FSTL4: variants seen among roughly 807,000 people sequenced by gnomAD.
FSTL4 encodes follistatin like 4.
Under a neutral mutation model 78.2 loss-of-function variants are expected in FSTL4, and 28 were observed. That is an observed-to-expected ratio of 0.36 (90% CI 0.27 to 0.49). The LOEUF (loss-of-function observed/expected upper bound fraction) is 0.49. Ranked by LOEUF, FSTL4 falls within the 20% of genes least tolerant of loss-of-function variation. The pLI is 0.98. For synonymous variants in FSTL4, 422 were observed against 440.5 expected (o/e 0.96, Z 0.53); for missense variants, 922 against 1,084.9 (o/e 0.85, Z 2.11).
chr5:133,215,087 A>G (rs1033742105), intron 13 of FSTL4, among the ~76,000 whole-genome samples: 3 of 152,172 alleles, frequency 2.0e-5, no homozygotes, highest in African/African-American at 7.2e-5. Context: ...ATTGTACCAA[A>G]TCCAATGGTC....
intron 3 of FSTL4, among the ~76,000 whole-genome samples, chr5:133,438,056 C>T (rs1333545085): frequency 6.6e-6 from 1 of 152,062 alleles, no homozygotes; most frequent in Non-Finnish European, 1.5e-5. Flanking sequence ...AATCTCATGG[C>T]TCATTCTTTT....
chr5:133,294,827 G>C (rs1219873940), intron 6 of FSTL4, among the ~76,000 whole-genome samples: 1 of 152,058 alleles, frequency 6.6e-6, no homozygotes, highest in Non-Finnish European at 1.5e-5. Context: ...TGGTGATGTT[G>C]CTTCCTCCTT....
chr5:133,775,202 T>G, the FSTL4 span, among the ~76,000 whole-genome samples: 1 of 152,228 alleles, frequency 6.6e-6, no homozygotes, highest in Non-Finnish European at 1.5e-5. Context: ...TATATCCAGT[T>G]GTACTAGAAA....
chr5:133,731,713 TGCC>T, the FSTL4 span, among the ~76,000 whole-genome samples: 2 of 152,104 alleles, frequency 1.3e-5, no homozygotes, highest in Non-Finnish European at 2.9e-5. Context: ...ACAGAGGGGC[TGCC>T]GGCCGGCAGT....
chr5:133,680,481 C>A, the FSTL4 span, among the ~76,000 whole-genome samples: 1 of 152,214 alleles, frequency 6.6e-6, no homozygotes, highest in Non-Finnish European at 1.5e-5. Flanking sequence ...AAAGTAAGCA[C>A]TCCCTCTCCA....
At chr5:133,296,233 C>A (rs1186130605) in intron 6 of FSTL4, among the ~76,000 whole-genome samples, 1 of 152,170 alleles carries the variant, frequency 6.6e-6, no homozygotes, top group Non-Finnish European at 1.5e-5. Context: ...CTCTTTGGCA[C>A]CGCCCTTCAG....
chr5:133,653,868 C>T, the FSTL4 span, among the ~76,000 whole-genome samples: 1 of 152,212 alleles, frequency 6.6e-6, no homozygotes, highest in South Asian at 2.1e-4. Context: ...CTGCACCGGG[C>T]TGCATTGTTA....
intron 6 of FSTL4, among the ~76,000 whole-genome samples, chr5:133,286,676 G>A (rs1473075669): frequency 6.6e-6 from 1 of 151,434 alleles, no homozygotes; most frequent in African/African-American, 2.5e-5. Flanking sequence ...ACTGCAGGCA[G>A]GGGACTTAGG....
the FSTL4 span, among the ~76,000 whole-genome samples, chr5:133,777,767 G>T: frequency 3.9e-5 from 6 of 152,174 alleles, no homozygotes; most frequent in African/African-American, 7.2e-5. Context: ...ATTAATAGTA[G>T]ATCCTAATAT....
chr5:133,280,788 G>T (rs191761802), intron 6 of FSTL4, among the ~76,000 whole-genome samples: 3 of 152,136 alleles, frequency 2.0e-5, no homozygotes, highest in Non-Finnish European at 4.4e-5. Flanking sequence ...TTCCAGCCAC[G>T]CTGGCCTGCC....
the FSTL4 span, among the ~76,000 whole-genome samples, chr5:133,705,830 C>T: frequency 2.7e-5 from 4 of 150,744 alleles, no homozygotes; most frequent in African/African-American, 9.9e-5. Flanking sequence ...TTCCAGAAAG[C>T]CTCCTGCAAC....
chr5:133,568,100 A>G (rs114111016), intron 2 of FSTL4, among the ~76,000 whole-genome samples: 101 of 152,358 alleles, frequency 6.6e-4, no homozygotes, highest in African/African-American at 2.3e-3. Context: ...AGAATAGCAT[A>G]GGAAAATGTT....
chr5:133,671,880 A>C, the FSTL4 span, among the ~76,000 whole-genome samples: 6 of 152,200 alleles, frequency 3.9e-5, no homozygotes, highest in Non-Finnish European at 8.8e-5. Flanking sequence ...ATTTAGGCTA[A>C]ATTGTGGGGG....
chr5:133,702,938 G>A, the FSTL4 span, among the ~76,000 whole-genome samples: 2 of 152,220 alleles, frequency 1.3e-5, no homozygotes, highest in Non-Finnish European at 2.9e-5. Flanking sequence ...CATGGGGACA[G>A]AAGTGGAAGA....
intron 3 of FSTL4, among the ~76,000 whole-genome samples, chr5:133,422,413 C>T (rs557735245): frequency 8.6e-5 from 13 of 151,828 alleles, no homozygotes; most frequent in African/African-American, 3.1e-4. Context: ...TGAGGAAGAG[C>T]GGAGGGCTTG....
chr5:133,406,069 G>A (rs1353186001), intron 3 of FSTL4, among the ~76,000 whole-genome samples: 2 of 152,238 alleles, frequency 1.3e-5, no homozygotes, highest in African/African-American at 4.8e-5. Flanking sequence ...CAAGACAAGT[G>A]TAGATGGTGT....
the FSTL4 span, among the ~76,000 whole-genome samples, chr5:133,651,170 G>C: frequency 6.6e-6 from 1 of 152,172 alleles, no homozygotes; most frequent in Non-Finnish European, 1.5e-5. Context: ...AGATGATCAT[G>C]TCATCTGCAC....
At chr5:133,295,007 C>T (rs915497620) in intron 6 of FSTL4, among the ~76,000 whole-genome samples, 16 of 152,172 alleles carry the variant, frequency 1.1e-4, no homozygotes, top group Non-Finnish European at 1.9e-4. Context: ...GCTGACTAGT[C>T]TCACTTTGGA....
intron 3 of FSTL4, among the ~76,000 whole-genome samples, chr5:133,494,660 T>C (rs541924406): frequency 6.4e-4 from 97 of 152,344 alleles, no homozygotes; most frequent in African/African-American, 2.2e-3. Flanking sequence ...CTGAATTCCA[T>C]GGGGCTAAAC....
Sources: gnomAD v4.1 joint callset for allele counts (sites outside exome capture counted in the v4.1 genomes callset) on GRCh38, gnomAD v4.1.1 for gene constraint, MANE v1.5 for transcripts, NCBI Gene and HGNC (gene_info 2026-07-23, HGNC 2026-07-21) for gene names.